CCDC171: variants seen among roughly 807,000 people sequenced by gnomAD.
CCDC171 encodes the protein coiled-coil domain containing 171.
A neutral mutation model predicts 168.2 loss-of-function variants in CCDC171; 177 were observed. The observed-to-expected ratio is 1.05, with a 90% CI of 0.93 to 1.19. The LOEUF is 1.19. Among genes scored for constraint, CCDC171 ranks in the 50% most tolerant of loss-of-function variants. CCDC171 has a pLI of 0.00. For missense variants in CCDC171, 1,991 were observed against 1,539.0 expected (o/e 1.29, Z -4.91); for synonymous variants, 687 against 540.8 (o/e 1.27, Z -3.75).
intron 3 of CCDC171, among the ~76,000 whole-genome samples, chr9:15,986,855 A>C (rs1470049124): frequency 6.6e-6 from 1 of 152,214 alleles, no homozygotes; most frequent in African/African-American, 2.4e-5. Context: ...TAGTAATAGA[A>C]ATATTATGAG....
intron 21 of CCDC171, among the ~76,000 whole-genome samples, chr9:15,838,978 A>G (rs2060563787): frequency 6.6e-5 from 10 of 152,198 alleles, no homozygotes. Context: ...TTGCCAACTT[A>G]TAAAGGAAAG....
chr9:15,729,520 G>T lies in CCDC171; in HGVS notation c.1861-90G>T. The T allele has an allele frequency of 2.9e-6, 2 of 692,574 alleles. 1 individual carries two copies. The highest frequency in any genetic ancestry group is 5.3e-5 in the East Asian group (2 of 37,682). 42.9% of individuals were successfully genotyped at this position (692,574 alleles called of 1,614,324 possible). A position where few individuals can be genotyped will look rare whatever the true frequency, so the allele number is the denominator to read the frequency against. On this transcript the variant is annotated intron_variant, in intron 15 of 25. Coordinates refer to ENST00000380701, the MANE Select transcript of CCDC171 (RefSeq NM_173550.4). ...ATATGATCTTAAGGAATAAAATATA[G>T]TAGGACATTTTGGGTATTTTATTGG...
At chr9:16,009,469 AAGG>A (rs1283765314) in intron 3 of CCDC171, among the ~76,000 whole-genome samples, 1 of 152,178 alleles carries the variant, frequency 6.6e-6, no homozygotes, top group Admixed American at 6.5e-5. Flanking sequence ...TCTAATAAAA[AAGG>A]AGAGTTATGT....
chr9:15,881,492 A>G (rs1338447764), intron 24 of CCDC171, among the ~76,000 whole-genome samples: 1 of 152,176 alleles, frequency 6.6e-6, no homozygotes, highest in Admixed American at 6.5e-5. Flanking sequence ...AACCATTCAA[A>G]TTCTTCTAGC....
chr9:16,053,114 G>C (rs912246559), intron 1 of CCDC171, among the ~76,000 whole-genome samples: 1 of 152,190 alleles, frequency 6.6e-6, no homozygotes, highest in Non-Finnish European at 1.5e-5. Context: ...AATCCTAACC[G>C]ATGGGTGTTA....
chr9:16,075,540 T>G, the CCDC171 span, among the ~76,000 whole-genome samples: 1 of 152,130 alleles, frequency 6.6e-6, no homozygotes, highest in Non-Finnish European at 1.5e-5. Flanking sequence ...TCTGGTTCCT[T>G]TAGGGGCAAC....
chr9:15,867,685 A>C (rs1409293438), intron 23 of CCDC171, among the ~76,000 whole-genome samples: 1 of 151,796 alleles, frequency 6.6e-6, no homozygotes, highest in Non-Finnish European at 1.5e-5. Context: ...AACTAAAGAT[A>C]AGACACTACA....
chr9:15,903,754 A>G (rs1242436584), intron 24 of CCDC171, among the ~76,000 whole-genome samples: 1 of 152,214 alleles, frequency 6.6e-6, no homozygotes, highest in South Asian at 2.1e-4. Context: ...GTTCGAACCC[A>G]TGGCAAAGAA....
Position 15,861,958 on chromosome 9 carries a change from GAAATTTTT to G in CCDC171, c.3469-12572_3469-12565del, listed in dbSNP as rs529028955. Among the ~76,000 whole-genome samples, 19 of 152,000 alleles carry G rather than the reference GAAATTTTT, an allele frequency of 1.3e-4. No homozygotes were observed. In the East Asian group the frequency reaches 3.7e-3, roughly 30 times the overall value. Reference sequence around the variant, plus strand: ...ATGAACTTCCTCAGCTTTTGTCAGGGAAATTTTTATGTTTCCTTCATTTTTAAAGGGCA... The same window carrying G: ...ATGAACTTCCTCAGCTTTTGTCAGGGATGTTTCCTTCATTTTTAAAGGGCA... On this transcript the variant is annotated intron_variant, in intron 23 of 25. Coordinates refer to ENST00000380701, the MANE Select transcript of CCDC171 (RefSeq NM_173550.4).
intron 1 of CCDC171, among the ~76,000 whole-genome samples, chr9:16,053,589 G>A (rs561068946): frequency 1.2e-4 from 19 of 152,310 alleles, no homozygotes; most frequent in African/African-American, 4.3e-4. Context: ...TCCTGCTCCC[G>A]TGCCTCTCCA....
chr9:15,905,540 T>G (rs1822442929), intron 24 of CCDC171, among the ~76,000 whole-genome samples: 2 of 152,052 alleles, frequency 1.3e-5, no homozygotes, highest in African/African-American at 4.8e-5. Flanking sequence ...GAGGGAAGTT[T>G]ATAGCATTAA....
At chr9:15,838,109 A>G (rs910118231) in intron 21 of CCDC171, among the ~76,000 whole-genome samples, 1 of 152,114 alleles carries the variant, frequency 6.6e-6, no homozygotes, top group Admixed American at 6.5e-5. Flanking sequence ...ACCTTGTAGG[A>G]TTTAATAATT....
chr9:15,705,030 T>C (rs2052097632), intron 11 of CCDC171, among the ~76,000 whole-genome samples: 1 of 151,802 alleles, frequency 6.6e-6, no homozygotes, highest in Admixed American at 6.6e-5. Context: ...TGACAATAGT[T>C]AATAATGCTG....
intron 21 of CCDC171, among the ~76,000 whole-genome samples, 191 bp from the exon 22 acceptor site, chr9:15,846,511 C>G (rs531388023): frequency 6.6e-6 from 1 of 152,132 alleles, no homozygotes; most frequent in African/African-American, 2.4e-5. Context: ...ATTTCCCAAA[C>G]CTTATCAGTT....
intron 24 of CCDC171, 86 bp downstream of exon 24, chr9:15,874,749 T>C: frequency 7.8e-7 from 1 of 1,275,138 alleles, no homozygotes; most frequent in Non-Finnish European, 1.0e-6. Flanking sequence ...CCTCAAAGTA[T>C]TGTGAATAAT....
At chr9:15,594,957 C>A (rs191214306) in intron 6 of CCDC171, among the ~76,000 whole-genome samples, 2 of 152,066 alleles carry the variant, frequency 1.3e-5, no homozygotes, top group Admixed American at 1.3e-4. Context: ...TGTGATAACA[C>A]AATGTGTTTT....
At chr9:15,962,536 T>G (rs1313795131) in intron 25 of CCDC171, among the ~76,000 whole-genome samples, 1 of 152,162 alleles carries the variant, frequency 6.6e-6, no homozygotes, top group East Asian at 1.9e-4. Flanking sequence ...TCACTAACCT[T>G]TAGCATAATT....
chr9:15,895,673 T>C (rs1340605755), intron 24 of CCDC171, among the ~76,000 whole-genome samples: 1 of 152,128 alleles, frequency 6.6e-6, no homozygotes, highest in African/African-American at 2.4e-5. Context: ...TTGTGTGTGA[T>C]GGAGAACTAA....
At position 15,553,229 on chromosome 9, in the gene CCDC171, T is replaced by G. The variant is rs2038480443; in HGVS notation, c.-185T>G. 1 of 152,934 alleles carries G rather than the reference T, an allele frequency of 6.5e-6. No homozygotes were observed. Among genetic ancestry groups the G allele is most frequent in the African/African-American group, 2.4e-5 (1 of 41,444 alleles). 9.5% of individuals were successfully genotyped at this position (152,934 alleles called of 1,614,324 possible). A position where few individuals can be genotyped will look rare whatever the true frequency, so the allele number is the denominator to read the frequency against. ...CTTATTCCCGTGGGCTGCCTGGGCC[T>G]CCTTTCACCCGTGAGACTTGGAGCG... is the stretch of plus-strand genomic sequence containing the variant. On this transcript the variant is annotated 5_prime_UTR_variant, in exon 1 of 26. Coordinates refer to ENST00000380701, the MANE Select transcript of CCDC171 (RefSeq NM_173550.4).
Sources: allele counts gnomAD v4.1 joint callset (sites outside exome capture counted in the v4.1 genomes callset), GRCh38; gene constraint gnomAD v4.1.1; transcripts MANE v1.5; gene names NCBI Gene and HGNC (gene_info 2026-07-23, HGNC 2026-07-21).